ZNF525: variants seen among roughly 807,000 people sequenced by gnomAD.
ZNF525 encodes the protein zinc finger protein 525.
Under a neutral mutation model 37.6 loss-of-function variants are expected in ZNF525, and 33 were observed. The observed-to-expected ratio is 0.88, with a 90% confidence interval of 0.67 to 1.17. ZNF525 has a LOEUF of 1.17. ZNF525 is among the 50% of genes most tolerant of loss of function. The probability of loss-of-function intolerance (pLI) is 0.00; values close to 1 mark genes in which losing one functional copy is unlikely to be tolerated. For synonymous variants in ZNF525, 170 were observed against 182.3 expected (o/e 0.93, Z 0.54); for missense variants, 449 against 543.1 (o/e 0.83, Z 1.72).
In ZNF525 at chr19:53,383,333, C is replaced by T. The variant is rs773745921; in HGVS notation, c.*1314C>T. 15 of 1,353,660 alleles carry T rather than the reference C, an allele frequency of 1.1e-5. No homozygotes were observed. Among genetic ancestry groups the T allele is most frequent in the Middle Eastern group, 1.9e-4 (1 of 5,230 alleles). 83.9% of individuals were successfully genotyped at this position (1,353,660 alleles called of 1,614,324 possible). A position where few individuals can be genotyped will look rare whatever the true frequency, so the allele number is the denominator to read the frequency against. Reference sequence around the variant, plus strand: ...AGAGAAACAAGCGTAATGAATGTGGCGAGGTTTTCAATCAACAAGCACACG... The same window carrying T: ...AGAGAAACAAGCGTAATGAATGTGGTGAGGTTTTCAATCAACAAGCACACG... On this transcript the variant is annotated 3_prime_UTR_variant, in exon 4 of 4. Transcript: ENST00000474037.
intron 2 of ZNF525, among the ~76,000 whole-genome samples, 167 bp from the exon 3 acceptor site, chr19:53,375,603 A>C (rs2085515847): frequency 6.6e-6 from 1 of 152,242 alleles, no homozygotes; most frequent in South Asian, 2.1e-4. Flanking sequence ...TAAAAGTATA[A>C]CAAAACACAA....
intron 3 of ZNF525, among the ~76,000 whole-genome samples, chr19:53,379,049 T>TATTGCCTG (rs563896596): frequency 5.3e-5 from 8 of 152,332 alleles, no homozygotes; most frequent in Admixed American, 2.0e-4. Context: ...AGAATTGCTG[T>TATTGCCTG]ATTGCCTGGC....
chr19:53,374,369 G>T (rs1209531392), intron 2 of ZNF525, among the ~76,000 whole-genome samples: 1 of 152,186 alleles, frequency 6.6e-6, no homozygotes, highest in Non-Finnish European at 1.5e-5. Flanking sequence ...TGACATCTGC[G>T]TTGGAAATTA....
intron 3 of ZNF525, among the ~76,000 whole-genome samples, chr19:53,376,780 G>T (rs554635878): frequency 6.6e-6 from 1 of 152,150 alleles, no homozygotes; most frequent in African/African-American, 2.4e-5. Context: ...AAACCAGCCT[G>T]TCTAACGTGG....
At chr19:53,367,221 C>G (rs916931349) in intron 1 of ZNF525, among the ~76,000 whole-genome samples, 7 of 152,108 alleles carry the variant, frequency 4.6e-5, no homozygotes, top group Non-Finnish European at 8.8e-5. Flanking sequence ...CGTCTCATAA[C>G]TGTTCTTGAA....
rs770322531 is a variant in ZNF525 at position 53,382,648 on chromosome 19, C to T, written c.*629C>T. ...CAATCCATGGCAGAGGGAAACTTTA[C>T]AAATGTAATGATTGTCACCACGTCT... On this transcript the variant is annotated 3_prime_UTR_variant, in exon 4 of 4. Transcript: ENST00000474037. The T allele has an allele frequency of 8.4e-6, 6 of 711,368 alleles. No homozygotes were observed. The Admixed American group carries it at 9.4e-5, about 11-fold the overall frequency. 44.1% of individuals were successfully genotyped at this position (711,368 alleles called of 1,614,324 possible).
chr19:53,374,336 G>A (rs1047780803), intron 2 of ZNF525, among the ~76,000 whole-genome samples: 23 of 152,202 alleles, frequency 1.5e-4, no homozygotes, highest in African/African-American at 5.6e-4. Context: ...TGTCATGTTA[G>A]TGAACATGGC....
At chr19:53,373,452 TG>T (rs1405767178) in intron 2 of ZNF525, among the ~76,000 whole-genome samples, 1 of 152,152 alleles carries the variant, frequency 6.6e-6, no homozygotes, top group Non-Finnish European at 1.5e-5. Flanking sequence ...TGAATATATT[TG>T]TTTTGTGGTA....
rs142623363 is a variant in ZNF525, at chr19:53,370,748, T to C, written c.-67-1467T>C. Among the ~76,000 whole-genome samples, 1,232 of 152,192 alleles carry C rather than the reference T, an allele frequency of 8.1e-3. 6 individuals are homozygous for C. The highest frequency in any genetic ancestry group is 0.012 in the Non-Finnish European group (830 of 68,018). On this transcript the variant is annotated intron_variant, in intron 1 of 3. Transcript: ENST00000474037. ...GAGTTGCAGACTCAGACACAGAGAC[T>C]ATCTTCGGGGCCTTTCTCTGTATGA...
intron 1 of ZNF525, among the ~76,000 whole-genome samples, chr19:53,369,427 A>G (rs56396935): frequency 0.026 from 3,407 of 132,034 alleles, 91 homozygotes; most frequent in African/African-American, 0.041. Flanking sequence ...GGGTTTCACC[A>G]TGTTGGCCAG....
At chr19:53,378,764 T>G (rs2085539220) in intron 3 of ZNF525, among the ~76,000 whole-genome samples, 4 of 152,152 alleles carry the variant, frequency 2.6e-5, no homozygotes, top group African/African-American at 9.7e-5. Context: ...GCACAAGTCC[T>G]ATTCACGAGT....
intron 3 of ZNF525, among the ~76,000 whole-genome samples, chr19:53,380,472 AACT>A (rs1164747808): frequency 1.3e-5 from 2 of 152,200 alleles, no homozygotes; most frequent in Non-Finnish European, 2.9e-5. Flanking sequence ...GTCTTTTGCA[AACT>A]GTTAGACACT....
At position 53,382,509 on chromosome 19, in the gene ZNF525, T is replaced by C; in HGVS notation, c.*490T>C. The stretch of plus-strand genomic sequence containing the variant: ...TAAGTGTAATGAGTGTGGCAAGACC[T>C]TCAGTAAGGAGTTAACACATGCCAT... On this transcript the variant is annotated 3_prime_UTR_variant, in exon 4 of 4. Transcript: ENST00000474037. The C allele has an allele frequency of 1.5e-6, 1 of 685,832 alleles. No homozygotes were observed. Among genetic ancestry groups the C allele is most frequent in the Non-Finnish European group, 2.7e-6 (1 of 368,174 alleles). The allele number at this position is 685,832 out of a possible 1,614,324, so 42.5% of individuals were successfully genotyped here.
chr19:53,384,033 A>G lies in ZNF525; in HGVS notation c.*2014A>G. 1 of 581,222 alleles carries G rather than the reference A, an allele frequency of 1.7e-6. No individual in the cohort carries two copies. The highest frequency in any genetic ancestry group is 3.2e-6 in the Non-Finnish European group (1 of 311,224). The allele number at this position is 581,222 out of a possible 1,614,324, so 36.0% of individuals were successfully genotyped here. ...TTCAGTCCGACTTCACTCCTTGCAG[A>G]ATATCAGAAAATTCATTTTTCAGGT... is the stretch of plus-strand genomic sequence containing the variant. On this transcript the variant is annotated 3_prime_UTR_variant, in exon 4 of 4. Transcript: ENST00000474037.
intron 3 of ZNF525, chr19:53,376,255 T>C: frequency 4.3e-6 from 3 of 704,396 alleles, no homozygotes; most frequent in Non-Finnish European, 7.8e-6. Context: ...TTGGCTTTTG[T>C]TTTTAAACTT....
chr19:53,370,048 G>A (rs1484154064), intron 1 of ZNF525, among the ~76,000 whole-genome samples: 1 of 151,472 alleles, frequency 6.6e-6, no homozygotes, highest in Non-Finnish European at 1.5e-5. Context: ...GCCCAGATAT[G>A]TGAAAGATAC....
intron 2 of ZNF525, among the ~76,000 whole-genome samples, chr19:53,374,111 G>C (rs1429561587): frequency 6.6e-6 from 1 of 152,000 alleles, no homozygotes; most frequent in Non-Finnish European, 1.5e-5. Context: ...TTGAACTTCT[G>C]ACCTAAGATG....
intron 1 of ZNF525, among the ~76,000 whole-genome samples, chr19:53,367,324 TA>T (rs202066843): frequency 0.011 from 1,707 of 151,178 alleles, 39 homozygotes; most frequent in African/African-American, 0.039. Flanking sequence ...TTTTTTTTTT[TA>T]AATTTCTGCT....
At position 53,376,234 on chromosome 19, in the gene ZNF525, G is replaced by T. The variant is rs746291604; in HGVS notation, c.142+338G>T. The T allele has an allele frequency of 4.2e-6, 3 of 707,094 alleles. No homozygotes were observed. In the South Asian group the frequency reaches 4.4e-5, roughly 10 times the overall value. The allele number at this position is 707,094 out of a possible 1,614,324, so 43.8% of individuals were successfully genotyped here. ...GCTGGGATTACAGGCGCCAACCCCC[G>T]TACCTAACTATTGGCTTTTGTTTTT... On this transcript the variant is annotated intron_variant, in intron 3 of 3. Coordinates refer to ENST00000474037, the MANE Select transcript of ZNF525 (RefSeq NM_001348156.2).
Sources: gnomAD v4.1 joint callset for allele counts (sites outside exome capture counted in the v4.1 genomes callset) on GRCh38, gnomAD v4.1.1 for gene constraint, MANE v1.5 for transcripts, NCBI Gene and HGNC (gene_info 2026-07-23, HGNC 2026-07-21) for gene names.